The following GPC6 variants were observed in gnomAD, a reference collection of about 807,000 sequenced individuals.
GPC6 encodes the protein glypican-6.
GPC6 carries 14 observed loss-of-function variants against 55.2 expected under a neutral mutation model. The observed-to-expected ratio is 0.25, with a 90% CI of 0.17 to 0.40. The LOEUF is 0.40. GPC6 is among the 10% of genes least tolerant of loss of function. The probability of loss-of-function intolerance (pLI) is 1.00; values close to 1 mark genes in which losing one functional copy is unlikely to be tolerated. For missense variants in GPC6, 641 were observed against 708.5 expected (o/e 0.90, Z 1.08); for synonymous variants, 278 against 259.6 (o/e 1.07, Z -0.68).
At chr13:93,933,423 C>T (rs1566610288) in intron 3 of GPC6, among the ~76,000 whole-genome samples, 1 of 152,074 alleles carries the variant, frequency 6.6e-6, no homozygotes, top group Non-Finnish European at 1.5e-5. Flanking sequence ...TTACTCACCC[C>T]AGAATCCAAC....
At chr13:94,165,526 A>G (rs903047649) in intron 4 of GPC6, among the ~76,000 whole-genome samples, 4 of 152,046 alleles carry the variant, frequency 2.6e-5, no homozygotes, top group African/African-American at 9.7e-5. Flanking sequence ...ATAAAAGACT[A>G]CAAATTGAGT....
At chr13:93,493,140 TC>T (rs1268761764) in intron 1 of GPC6, among the ~76,000 whole-genome samples, 1 of 77,856 alleles carries the variant, frequency 1.3e-5, no homozygotes, top group Non-Finnish European at 2.6e-5. Flanking sequence ...TGGCTGTGAA[TC>T]CATCTGGTCC....
chr13:94,301,280 C>A (rs1252663079), intron 5 of GPC6, among the ~76,000 whole-genome samples: 1 of 152,090 alleles, frequency 6.6e-6, no homozygotes, highest in Non-Finnish European at 1.5e-5. Flanking sequence ...ACCTGTGGTC[C>A]CAGCTACTCG....
intron 4 of GPC6, among the ~76,000 whole-genome samples, chr13:94,125,771 G>A (rs533798): frequency 0.12 from 17,676 of 151,412 alleles, 1,302 homozygotes; most frequent in East Asian, 0.32. Flanking sequence ...GCAAAGAAAT[G>A]AGCGTGGAGC....
In GPC6 at chr13:93,756,800, G is replaced by A. The variant is rs113894044; in HGVS notation, c.320-73354G>A. On this transcript the variant is annotated intron_variant, in intron 2 of 8. Coordinates refer to ENST00000377047, the MANE Select transcript of GPC6 (RefSeq NM_005708.5). ...TGGGCTTTCAAAGTGCTACTGATAA[G>A]CTGGCAATTTTGTTTTAGAGGCTTG... is the stretch of plus-strand genomic sequence containing the variant. Among the ~76,000 whole-genome samples the A allele has an allele frequency of 4.4e-3, 671 of 152,218 alleles. 7 individuals carry two copies. The highest frequency in any genetic ancestry group is 0.015 in the African/African-American group (626 of 41,548).
chr13:93,754,545 C>T (rs1377069971), intron 2 of GPC6, among the ~76,000 whole-genome samples: 1 of 151,908 alleles, frequency 6.6e-6, no homozygotes, highest in East Asian at 1.9e-4. Flanking sequence ...AGGTAAAGAG[C>T]TGTCAAAGGG....
At chr13:94,015,569 AAG>A (rs1336825263) in intron 3 of GPC6, among the ~76,000 whole-genome samples, 9 of 152,182 alleles carry the variant, frequency 5.9e-5, no homozygotes, top group Admixed American at 5.2e-4. Context: ...GTGTCATACT[AAG>A]AATTCATTCT....
chr13:93,573,532 G>C (rs991182283), intron 2 of GPC6, among the ~76,000 whole-genome samples: 3 of 151,842 alleles, frequency 2.0e-5, no homozygotes, highest in Non-Finnish European at 4.4e-5. Context: ...ATATAGAAGA[G>C]ATTTTCAAAA....
chr13:94,138,312 C>G (rs1285171749), intron 4 of GPC6, among the ~76,000 whole-genome samples: 2 of 152,114 alleles, frequency 1.3e-5, no homozygotes, highest in African/African-American at 4.8e-5. Flanking sequence ...CTGTATTTGC[C>G]CTGTCTATAT....
chr13:93,370,563 C>G (rs553355698), intron 1 of GPC6, among the ~76,000 whole-genome samples: 1 of 152,106 alleles, frequency 6.6e-6, no homozygotes, highest in South Asian at 2.1e-4. Context: ...GTCCCAGGGT[C>G]AGTTAATTCA....
At chr13:94,168,406 G>T (rs80089857) in intron 4 of GPC6, among the ~76,000 whole-genome samples, 5,122 of 152,246 alleles carry the variant, frequency 0.034, 258 homozygotes, top group African/African-American at 0.11. Flanking sequence ...GGTGGAGCCC[G>T]TAATGTTGGG....
chr13:93,887,635 A>G (rs1467453358), intron 3 of GPC6, among the ~76,000 whole-genome samples: 1 of 152,118 alleles, frequency 6.6e-6, no homozygotes, highest in East Asian at 1.9e-4. Context: ...TGATCCCTCT[A>G]AATACATCTT....
At chr13:93,719,397 T>C (rs1027192826) in intron 2 of GPC6, among the ~76,000 whole-genome samples, 3 of 152,198 alleles carry the variant, frequency 2.0e-5, no homozygotes, top group Middle Eastern at 3.4e-3. Context: ...CTATTATTGG[T>C]GTATAGGAAT....
chr13:94,092,004 A>G (rs1885501881), intron 4 of GPC6, among the ~76,000 whole-genome samples: 1 of 151,054 alleles, frequency 6.6e-6, no homozygotes, highest in Non-Finnish European at 1.5e-5. Context: ...AAAAAATTAT[A>G]TATATTTGCG....
chr13:93,924,353 C>T (rs1018750162), intron 3 of GPC6, among the ~76,000 whole-genome samples: 1 of 152,232 alleles, frequency 6.6e-6, no homozygotes, highest in African/African-American at 2.4e-5. Flanking sequence ...GCAGCCTGCA[C>T]AGAGCTATTA....
chr13:93,852,219 A>G (rs1888429736), intron 3 of GPC6, among the ~76,000 whole-genome samples: 1 of 151,786 alleles, frequency 6.6e-6, no homozygotes, highest in Admixed American at 6.6e-5. Flanking sequence ...AAACAAAGGA[A>G]CACACATGGA....
At chr13:93,402,567 C>T (rs1435034880) in intron 1 of GPC6, among the ~76,000 whole-genome samples, 2 of 152,054 alleles carry the variant, frequency 1.3e-5, no homozygotes, top group African/African-American at 4.8e-5. Context: ...ATGGCCAGGC[C>T]GGTCTGAATT....
chr13:93,870,176 C>T (rs916030902), intron 3 of GPC6, among the ~76,000 whole-genome samples: 1 of 151,820 alleles, frequency 6.6e-6, no homozygotes, highest in Non-Finnish European at 1.5e-5. Flanking sequence ...CTCAAGTTGT[C>T]TTGACTATAA....
intron 3 of GPC6, among the ~76,000 whole-genome samples, chr13:93,905,031 GTT>G (rs1270422031): frequency 7.0e-6 from 1 of 143,062 alleles, no homozygotes; most frequent in Non-Finnish European, 1.5e-5. Context: ...GTGGTGTTTG[GTT>G]TTTTGTTCTT....
Sources: gnomAD v4.1 joint callset for allele counts (sites outside exome capture counted in the v4.1 genomes callset) on GRCh38, gnomAD v4.1.1 for gene constraint, MANE v1.5 for transcripts, NCBI Gene and HGNC (gene_info 2026-07-23, HGNC 2026-07-21) for gene names.